The following ADGRF4 variants were observed in gnomAD, a reference collection of about 807,000 sequenced individuals.
ADGRF4 encodes the protein G-protein coupled receptor PGR18.
A neutral mutation model predicts 58.5 loss-of-function variants in ADGRF4; 63 were observed. The observed-to-expected ratio is 1.08, with a 90% CI of 0.88 to 1.33. ADGRF4 has a LOEUF of 1.33. Ranked by LOEUF, ADGRF4 falls within the 40% of genes most tolerant of loss-of-function variation. The pLI is 0.00. For missense variants in ADGRF4, 931 were observed against 843.9 expected (o/e 1.10, Z -1.28); for synonymous variants, 313 against 295.4 (o/e 1.06, Z -0.61).
rs112980796 is a variant in ADGRF4 at position 47,721,550 on chromosome 6, C to T, written c.*345C>T. ...GCTGTAGGGCCCTGCTGGGCTTGGTCGTCTTTCACTCCTGAGGCCTGCTCT... is the reference window on the plus strand; with the variant it reads ...GCTGTAGGGCCCTGCTGGGCTTGGTTGTCTTTCACTCCTGAGGCCTGCTCT... On this transcript the variant is annotated 3_prime_UTR_variant, in exon 10 of 10. Transcript: ENST00000283303. 5.8e-4 allele frequency: 89 copies of T among 152,270 alleles called. No individual in the cohort carries two copies. The highest frequency in any genetic ancestry group is 2.1e-3 in the African/African-American group (87 of 41,508). The allele number at this position is 152,270 out of a possible 1,614,324, so 9.4% of individuals were successfully genotyped here.
chr6:47,721,707 G>C lies in ADGRF4; in HGVS notation c.*502G>C, dbSNP rs1772165749. 1.3e-5 allele frequency: 2 copies of C among 152,262 alleles called. No homozygotes were observed. Among genetic ancestry groups the C allele is most frequent in the Middle Eastern group, 3.4e-3 (1 of 294 alleles). 9.4% of individuals were successfully genotyped at this position (152,262 alleles called of 1,614,324 possible). A position where few individuals can be genotyped will look rare whatever the true frequency, so the allele number is the denominator to read the frequency against. On this transcript the variant is annotated 3_prime_UTR_variant, in exon 10 of 10. Coordinates refer to ENST00000283303, the MANE Select transcript of ADGRF4 (RefSeq NM_153838.5). ...TGTGGGTTGGCAGGAGGAAGAATGAGTCTACTTTGGAGACAATTAAGTCAT... is the reference window on the plus strand; with the variant it reads ...TGTGGGTTGGCAGGAGGAAGAATGACTCTACTTTGGAGACAATTAAGTCAT...
intron 1 of ADGRF4, among the ~76,000 whole-genome samples, chr6:47,703,166 G>A (rs1157800886): frequency 2.0e-5 from 3 of 152,170 alleles, no homozygotes; most frequent in African/African-American, 7.2e-5. Context: ...TTGGAATGTT[G>A]ATAAACTCCA....
In ADGRF4 at chr6:47,713,982, A is replaced by G. The variant is rs114176612; in HGVS notation, c.737A>G (p.His246Arg). 708 of 1,604,592 alleles carry G rather than the reference A, an allele frequency of 4.4e-4. 1 individual carries two copies. The African/African-American group carries it at 8.7e-3, about 20-fold the overall frequency. ...NELFIQTKGFHINHNTSEKSL... is the reference protein window; with the variant it reads ...NELFIQTKGFRINHNTSEKSL... The stretch of plus-strand genomic sequence containing the variant: ...CTCTTCATTCAGACAAAAGGGTTTC[A>G]CATCAACCATAATACCTCAGAGAAA... Residue 246 changes from histidine (H) to arginine (R), a missense_variant, in exon 6 of 10, where the codon CAC becomes CGC. His to Arg is a conservative substitution (Grantham distance 29, BLOSUM62 0). Coordinates refer to ENST00000283303, the MANE Select transcript of ADGRF4 (RefSeq NM_153838.5).
rs1771519587 is a variant in ADGRF4, at chr6:47,698,743, C to T, written c.-68C>T. On this transcript the variant is annotated 5_prime_UTR_variant, in exon 1 of 10. Transcript: ENST00000283303. ...TGCTAGGGAGCTGAGCTCTGACCTT[C>T]CTGCTGGGTGATTCTCCACCTCTGG... The T allele has an allele frequency of 6.6e-6, 1 of 152,232 alleles. No individual in the cohort carries two copies. Among genetic ancestry groups the T allele is most frequent in the African/African-American group, 2.4e-5 (1 of 41,448 alleles). The allele number at this position is 152,232 out of a possible 1,614,324, so 9.4% of individuals were successfully genotyped here. A position where few individuals can be genotyped will look rare whatever the true frequency, so the allele number is the denominator to read the frequency against.
Position 47,718,464 on chromosome 6 carries a change from A to C in ADGRF4, c.*3+19A>C, listed in dbSNP as rs924000638. 1.4e-6 allele frequency: 2 copies of C among 1,435,708 alleles called. No individual in the cohort carries two copies. Among genetic ancestry groups the C allele is most frequent in the African/African-American group, 2.8e-5 (2 of 71,204 alleles). 88.9% of individuals were successfully genotyped at this position (1,435,708 alleles called of 1,614,324 possible). On this transcript the variant is annotated intron_variant, in intron 9 of 9. Coordinates refer to ENST00000283303, the MANE Select transcript of ADGRF4 (RefSeq NM_153838.5). ...ATGAAATGTGAGTATTAAAAATATA[A>C]AGAGAAATTTCACTTGCAATTTGTG...
chr6:47,720,103 T>C (rs1206797442), intron 9 of ADGRF4, among the ~76,000 whole-genome samples: 1 of 152,114 alleles, frequency 6.6e-6, no homozygotes, highest in African/African-American at 2.4e-5. Flanking sequence ...GTAGACCATG[T>C]TGGGGACCTA....
At chr6:47,715,247 A>AT in intron 6 of ADGRF4, 70 bp downstream of exon 6, 1 of 1,100,778 alleles carries the variant, frequency 9.1e-7, no homozygotes, top group South Asian at 1.6e-5. Context: ...ATGATTTGAA[A>AT]TTATATAACA....
chr6:47,703,624 T>C (rs1305919062), intron 1 of ADGRF4, among the ~76,000 whole-genome samples: 3 of 152,194 alleles, frequency 2.0e-5, no homozygotes, highest in African/African-American at 4.8e-5. Flanking sequence ...TGCCAGACTA[T>C]AGAAACATGA....
chr6:47,706,128 G>T (rs1170648258), intron 1 of ADGRF4, among the ~76,000 whole-genome samples: 1 of 152,122 alleles, frequency 6.6e-6, no homozygotes, highest in African/African-American at 2.4e-5. Flanking sequence ...TTATTTTGCT[G>T]CATCTGGATT....
chr6:47,708,414 C>T (rs9369737), intron 3 of ADGRF4, 136 bp downstream of exon 3: 384,371 of 631,576 alleles, frequency 0.61, 120,675 homozygotes, highest in Middle Eastern at 0.71. Flanking sequence ...TCTGTGCTTA[C>T]CAGTATTGAT....
intron 1 of ADGRF4, among the ~76,000 whole-genome samples, chr6:47,704,904 G>GT (rs1771671119): frequency 6.6e-6 from 1 of 152,076 alleles, no homozygotes; most frequent in South Asian, 2.1e-4. Context: ...TATAAGATCT[G>GT]TTTTTTATTG....
Position 47,712,505 on chromosome 6 carries a change from T to A in ADGRF4, c.449T>A (p.Val150Glu), listed in dbSNP as rs747418743. Residue 150 changes from valine (V) to glutamate (E), a missense_variant, in exon 5 of 10, where the codon GTG (valine) becomes GAG (glutamate). Transcript: ENST00000283303. The stretch of plus-strand genomic sequence containing the variant: ...GATTATGCCTGCATCACTGACATGG[T>A]GAAATCATCAGAAACAACATCTGGA... ...PFDYACITDM[V>E]KSSETTSGNI... 1 of 1,613,810 alleles carries A rather than the reference T, an allele frequency of 6.2e-7. No individual in the cohort carries two copies. Among genetic ancestry groups the A allele is most frequent in the Non-Finnish European group, 8.5e-7 (1 of 1,179,808 alleles).
chr6:47,716,460 AGTTTCTGTCACAT>A (rs1340617795), intron 6 of ADGRF4, among the ~76,000 whole-genome samples: 3 of 152,226 alleles, frequency 2.0e-5, no homozygotes, highest in Admixed American at 1.3e-4. Flanking sequence ...TTGAATTACA[AGTTTCTGTCACAT>A]GTTTCTGTCA....
Position 47,715,112 on chromosome 6 carries a change from G to T in ADGRF4, c.1867G>T (p.Ala623Ser). Residue 623 changes from alanine (A) to serine (S), a missense_variant, in exon 6 of 10, where the codon GCC (alanine) becomes TCC (serine). Transcript: ENST00000283303. The part of the protein sequence containing the change: ...LLGLTWGFGI[A>S]TLIEGTSLTF... ...GGGACTGACCTGGGGTTTTGGAATA[G>T]CCACTCTCATAGAAGGCACTTCCTT... The T allele has an allele frequency of 1.2e-6, 2 of 1,606,060 alleles. No individual in the cohort carries two copies. The highest frequency in any genetic ancestry group is 1.1e-5 in the South Asian group (1 of 90,950).
At chr6:47,715,566 T>C (rs1771994267) in intron 6 of ADGRF4, 1 of 166,754 alleles carries the variant, frequency 6.0e-6, no homozygotes, top group East Asian at 1.6e-4. Flanking sequence ...ACTTTCTATA[T>C]TATGAAGTAA....
intron 1 of ADGRF4, among the ~76,000 whole-genome samples, chr6:47,700,276 C>A (rs1323599076): frequency 2.0e-5 from 3 of 152,164 alleles, no homozygotes; most frequent in Non-Finnish European, 2.9e-5. Context: ...TTAAAATTTT[C>A]TTTGGGAGTC....
intron 1 of ADGRF4, among the ~76,000 whole-genome samples, chr6:47,705,498 A>G (rs1017172113): frequency 1.3e-5 from 2 of 152,204 alleles, no homozygotes; most frequent in African/African-American, 2.4e-5. Flanking sequence ...TCATGCTGCC[A>G]TGTTCTCTTT....
At chr6:47,720,021 T>C (rs1442218180) in intron 9 of ADGRF4, among the ~76,000 whole-genome samples, 2 of 152,172 alleles carry the variant, frequency 1.3e-5, no homozygotes, top group African/African-American at 2.4e-5. Context: ...TTTCTCAGTA[T>C]TGGGGACTAT....
chr6:47,711,189 TA>T (rs1157729963), intron 4 of ADGRF4, among the ~76,000 whole-genome samples: 2 of 152,190 alleles, frequency 1.3e-5, no homozygotes, highest in African/African-American at 2.4e-5. Flanking sequence ...ATTTTAGCTC[TA>T]AAGGTGGGTT....
Sources: gnomAD v4.1 joint callset for allele counts (sites outside exome capture counted in the v4.1 genomes callset) on GRCh38, gnomAD v4.1.1 for gene constraint, MANE v1.5 for transcripts, NCBI Gene and HGNC (gene_info 2026-07-23, HGNC 2026-07-21) for gene names.